The following FYB1 variants were observed in gnomAD, a reference collection of about 807,000 sequenced individuals.
The protein encoded by FYB1 is FYN binding protein 1, also known as FYN-binding protein 1.
In FYB1, 41 loss-of-function variants were observed where a neutral mutation model predicts 94.1. That is an observed-to-expected ratio of 0.44 (90% CI 0.34 to 0.57). FYB1 has a LOEUF of 0.57. Among genes scored for constraint, FYB1 ranks in the 20% least tolerant of loss-of-function variants. The pLI is 0.02. For synonymous variants in FYB1, 367 were observed against 353.2 expected, an observed-to-expected ratio of 1.04 and a Z score of -0.44; for missense variants, 1,050 against 976.8, an observed-to-expected ratio of 1.07 and a Z score of -1.00.
At chr5:39,227,136 T>C (rs538491884) in intron 1 of FYB1, among the ~76,000 whole-genome samples, 1 of 152,296 alleles carries the variant, frequency 6.6e-6, no homozygotes, top group South Asian at 2.1e-4. Flanking sequence ...CATACGTTCA[T>C]ATAAATCCAT....
intron 1 of FYB1, 59 bp downstream of exon 1, chr5:39,219,384 T>A: frequency 3.1e-6 from 3 of 969,670 alleles, no homozygotes; most frequent in Non-Finnish European, 3.7e-6. Context: ...TGGTGCTTTT[T>A]TCCTGCTATA....
chr5:39,238,494 G>A (rs1579759697), intron 1 of FYB1, among the ~76,000 whole-genome samples: 1 of 152,042 alleles, frequency 6.6e-6, no homozygotes, highest in East Asian at 1.9e-4. Flanking sequence ...CAGTACTTTT[G>A]TGGGCCAACC....
chr5:39,167,214 T>C (rs530785093), intron 2 of FYB1, among the ~76,000 whole-genome samples: 3 of 152,226 alleles, frequency 2.0e-5, no homozygotes, highest in Non-Finnish European at 4.4e-5. Context: ...AATGAGATGA[T>C]GCGGGGATCA....
intron 18 of FYB1, 61 bp downstream of exon 18, chr5:39,108,170 A>G (rs1738701431): frequency 1.4e-6 from 2 of 1,418,830 alleles, no homozygotes; most frequent in South Asian, 1.3e-5. Flanking sequence ...TATTTTTAGC[A>G]TTTATAAAAA....
At chr5:39,200,302 G>A (rs1257467788) in intron 2 of FYB1, among the ~76,000 whole-genome samples, 2 of 152,148 alleles carry the variant, frequency 1.3e-5, no homozygotes, top group Non-Finnish European at 2.9e-5. Flanking sequence ...GCAACTCACT[G>A]AAAAGCGTGA....
At chr5:39,228,926 C>T (rs955557501) in intron 1 of FYB1, among the ~76,000 whole-genome samples, 1 of 152,126 alleles carries the variant, frequency 6.6e-6, no homozygotes, top group African/African-American at 2.4e-5. Context: ...AGTTTTCTCT[C>T]ACGATAAAAT....
intron 16 of FYB1, among the ~76,000 whole-genome samples, chr5:39,118,034 G>A (rs1739733310): frequency 6.6e-6 from 1 of 151,902 alleles, no homozygotes; most frequent in Non-Finnish European, 1.5e-5. Context: ...CAAGTAGCTG[G>A]GACTACAAGG....
chr5:39,159,201 A>G (rs1009443993), intron 2 of FYB1, among the ~76,000 whole-genome samples: 3 of 152,160 alleles, frequency 2.0e-5, no homozygotes, highest in Admixed American at 6.5e-5. Flanking sequence ...TTCATCATCT[A>G]TTTGTTTGAG....
At chr5:39,230,238 T>C (rs1324495974) in intron 1 of FYB1, among the ~76,000 whole-genome samples, 1 of 152,206 alleles carries the variant, frequency 6.6e-6, no homozygotes, top group African/African-American at 2.4e-5. Context: ...AGGATCGTTA[T>C]ACATGGAAGC....
chr5:39,242,176 C>T (rs1256773556), intron 1 of FYB1, among the ~76,000 whole-genome samples: 1 of 152,022 alleles, frequency 6.6e-6, no homozygotes, highest in East Asian at 1.9e-4. Context: ...TTCTAGGGTA[C>T]ATATGCACAA....
At chr5:39,222,358 C>G (rs74698293), upstream of FYB1, among the ~76,000 whole-genome samples, 1,042 of 152,278 alleles carry the variant, frequency 6.8e-3, 10 homozygotes, top group African/African-American at 0.022. Flanking sequence ...ATACAGAAGG[C>G]ACTTTATAAA....
At chr5:39,221,033 C>T (rs908438997), upstream of FYB1, among the ~76,000 whole-genome samples, 1 of 152,152 alleles carries the variant, frequency 6.6e-6, no homozygotes, top group African/African-American at 2.4e-5. Context: ...CTTATTCTAT[C>T]CTAAGAGATC....
intron 1 of FYB1, among the ~76,000 whole-genome samples, chr5:39,242,541 G>T (rs1408436417): frequency 6.6e-6 from 1 of 151,940 alleles, no homozygotes; most frequent in Admixed American, 6.6e-5. Context: ...ATCTATCATT[G>T]GTGGACATTT....
At chr5:39,205,780 C>T (rs926222757) in intron 1 of FYB1, among the ~76,000 whole-genome samples, 5 of 152,160 alleles carry the variant, frequency 3.3e-5, no homozygotes, top group Admixed American at 6.5e-5. Flanking sequence ...CTTGACTTTG[C>T]CATTTTACTA....
At chr5:39,188,692 C>A (rs1005931603) in intron 2 of FYB1, among the ~76,000 whole-genome samples, 4 of 151,952 alleles carry the variant, frequency 2.6e-5, no homozygotes, top group Non-Finnish European at 5.9e-5. Context: ...CCACCACGCC[C>A]GGCTAATTTT....
At chr5:39,269,296 G>T (rs925224630) in intron 1 of FYB1, among the ~76,000 whole-genome samples, 3 of 152,222 alleles carry the variant, frequency 2.0e-5, no homozygotes, top group African/African-American at 7.2e-5. Context: ...TGATCCGCCT[G>T]CCTCGGCCTC....
At chr5:39,172,394 C>T (rs1214613885) in intron 2 of FYB1, among the ~76,000 whole-genome samples, 2 of 151,726 alleles carry the variant, frequency 1.3e-5, no homozygotes, top group Admixed American at 6.6e-5. Context: ...TGCAGTGAGC[C>T]GAGATCATGC....
At chr5:39,115,107 T>G (rs1185208700) in intron 16 of FYB1, among the ~76,000 whole-genome samples, 1 of 151,592 alleles carries the variant, frequency 6.6e-6, no homozygotes, top group African/African-American at 2.4e-5. Context: ...AATTTTTTTT[T>G]TTTTTTGAGA....
intron 2 of FYB1, 87 bp from the exon 3 acceptor site, chr5:39,153,691 A>G (rs1743467786): frequency 7.4e-7 from 1 of 1,350,072 alleles, no homozygotes; most frequent in Non-Finnish European, 1.0e-6. Flanking sequence ...GCTACAGATA[A>G]AATAATTTGG....
Sources: gnomAD v4.1 joint callset for allele counts (sites outside exome capture counted in the v4.1 genomes callset) on GRCh38, gnomAD v4.1.1 for gene constraint, MANE v1.5 for transcripts, NCBI Gene and HGNC (gene_info 2026-07-23, HGNC 2026-07-21) for gene names.